The following PDE11A variants were observed in gnomAD, a reference collection of about 807,000 sequenced individuals.
PDE11A encodes phosphodiesterase 11A, also known as dual 3',5'-cyclic-AMP and -GMP phosphodiesterase 11A.
In PDE11A, 100 loss-of-function variants were observed where a neutral mutation model predicts 100.5. That is an observed-to-expected ratio of 1.00 (90% CI 0.85 to 1.18). The LOEUF is 1.18. PDE11A is among the 50% of genes most tolerant of loss of function. The pLI is 0.00. For missense variants in PDE11A, 1,141 were observed against 1,152.6 expected (o/e 0.99, Z 0.15); for synonymous variants, 381 against 420.8 (o/e 0.91, Z 1.16).
At chr2:177,654,446 G>A (rs1351662587) in intron 19 of PDE11A, among the ~76,000 whole-genome samples, 2 of 152,144 alleles carry the variant, frequency 1.3e-5, no homozygotes, top group Non-Finnish European at 2.9e-5. Context: ...GCTTGTGCCT[G>A]GGAGGCAGAG....
intron 2 of PDE11A, among the ~76,000 whole-genome samples, chr2:177,983,673 AGGAAACTTTTTT>A (rs780548884): frequency 3.3e-4 from 51 of 152,360 alleles, no homozygotes; most frequent in Admixed American, 2.1e-3. Context: ...GGTGGACTAA[AGGAAACTTTTTT>A]GTATGTTCTG....
chr2:177,988,232 A>G (rs1161152163), intron 2 of PDE11A, among the ~76,000 whole-genome samples: 2 of 152,192 alleles, frequency 1.3e-5, no homozygotes, highest in Non-Finnish European at 2.9e-5. Flanking sequence ...TGATGCTTCC[A>G]TGGTTCAACC....
rs747683139 is a variant in PDE11A at position 178,072,074 on chromosome 2, T to C, written c.364A>G (p.Arg122Gly). The part of the protein sequence containing the change: ...LQRRASQKEL[R>G]KSFARSKAIH... Reference sequence around the variant, plus strand: ...GCCTTGGAGCGGGCAAAACTCTTCCTTAGCTCTTTCTGAGAAGCTCTCCGC... The same window carrying C: ...GCCTTGGAGCGGGCAAAACTCTTCCCTAGCTCTTTCTGAGAAGCTCTCCGC... Residue 122 changes from arginine to glycine, a missense_variant, in exon 1 of 20, where the codon AGG (arginine) becomes GGG (glycine). Transcript: ENST00000286063. 1.2e-6 allele frequency: 2 copies of C among 1,614,128 alleles called. No individual in the cohort carries two copies. Among genetic ancestry groups the C allele is most frequent in the South Asian group, 2.2e-5 (2 of 91,072 alleles).
intron 5 of PDE11A, 111 bp from the exon 6 acceptor site, chr2:177,840,494 A>T: frequency 2.1e-6 from 2 of 940,908 alleles, no homozygotes; most frequent in East Asian, 2.4e-5. Flanking sequence ...ATTAAGAAAA[A>T]ATAAGTGACA....
At chr2:177,772,720 A>G (rs1332946600) in intron 9 of PDE11A, among the ~76,000 whole-genome samples, 1 of 150,386 alleles carries the variant, frequency 6.6e-6, no homozygotes, top group Non-Finnish European at 1.5e-5. Flanking sequence ...ATTTAAAAAA[A>G]AAAAAAAGCT....
At chr2:178,011,703 G>A (rs112447721) in intron 2 of PDE11A, among the ~76,000 whole-genome samples, 3 of 152,124 alleles carry the variant, frequency 2.0e-5, no homozygotes, top group South Asian at 2.1e-4. Flanking sequence ...CTAATCAATC[G>A]CTCATGAGAA....
In PDE11A at chr2:177,843,890, T is replaced by C. The variant is rs567317700; in HGVS notation, c.1368-3507A>G. Among the ~76,000 whole-genome samples the C allele has an allele frequency of 5.3e-5, 8 of 152,258 alleles. No individual in the cohort carries two copies. In the South Asian group the frequency reaches 1.2e-3, roughly 24 times the overall value. On this transcript the variant is annotated intron_variant, in intron 5 of 19. Coordinates refer to ENST00000286063, the MANE Select transcript of PDE11A (RefSeq NM_016953.4). ...CAATCACGAGTGCTGAAGACGTCCA[T>C]GGAGGGAGAAATGACTTCAGGTGTT...
intron 1 of PDE11A, among the ~76,000 whole-genome samples, chr2:178,105,943 G>A (rs1383399283): frequency 6.6e-6 from 1 of 152,142 alleles, no homozygotes; most frequent in Non-Finnish European, 1.5e-5. Flanking sequence ...TGAAGAATGA[G>A]TGCAAGGGAG....
intron 19 of PDE11A, among the ~76,000 whole-genome samples, chr2:177,651,188 A>G (rs963659413): frequency 1.3e-5 from 2 of 152,128 alleles, no homozygotes; most frequent in African/African-American, 4.8e-5. Flanking sequence ...GTTGTTATGG[A>G]CTCACTACAT....
intron 2 of PDE11A, among the ~76,000 whole-genome samples, chr2:177,995,093 T>C (rs1262800272): frequency 2.0e-5 from 3 of 152,190 alleles, no homozygotes; most frequent in African/African-American, 7.2e-5. Context: ...GGAGGAAAAG[T>C]GGAAAAATTA....
chr2:177,689,396 A>G (rs2081007744), intron 15 of PDE11A, among the ~76,000 whole-genome samples: 1 of 152,120 alleles, frequency 6.6e-6, no homozygotes, highest in Non-Finnish European at 1.5e-5. Flanking sequence ...ACTCTCCTCA[A>G]TTTTAACTCC....
intron 8 of PDE11A, among the ~76,000 whole-genome samples, chr2:177,817,417 G>T (rs2083057611): frequency 6.6e-6 from 1 of 152,182 alleles, no homozygotes; most frequent in African/African-American, 2.4e-5. Flanking sequence ...GGGTTTTCAT[G>T]TTGGCTACTG....
intron 1 of PDE11A, among the ~76,000 whole-genome samples, chr2:178,051,736 T>C (rs1402916636): frequency 6.6e-6 from 1 of 152,056 alleles, no homozygotes; most frequent in Non-Finnish European, 1.5e-5. Flanking sequence ...AAACAGACTT[T>C]AAACCAACAA....
intron 12 of PDE11A, among the ~76,000 whole-genome samples, chr2:177,721,569 A>T (rs1338205146): frequency 1.3e-5 from 2 of 152,178 alleles, no homozygotes; most frequent in African/African-American, 4.8e-5. Flanking sequence ...CAAAAGAAAA[A>T]TATCAGATTC....
chr2:177,795,590 T>A (rs974078317), intron 9 of PDE11A, among the ~76,000 whole-genome samples: 7 of 152,158 alleles, frequency 4.6e-5, no homozygotes, highest in Non-Finnish European at 8.8e-5. Flanking sequence ...AAATGCCTTC[T>A]TGGGTACCTA....
intron 18 of PDE11A, among the ~76,000 whole-genome samples, chr2:177,667,369 T>A (rs1440715013): frequency 6.6e-6 from 1 of 152,164 alleles, no homozygotes. Flanking sequence ...TTCTAAGAAT[T>A]TTATAGTTTT....
chr2:177,758,294 C>CT (rs1178091978), intron 10 of PDE11A, among the ~76,000 whole-genome samples: 1 of 104,766 alleles, frequency 9.5e-6, no homozygotes, highest in Non-Finnish European at 1.8e-5. Context: ...AAGACTCCGT[C>CT]TCAAAAAAAA....
intron 18 of PDE11A, among the ~76,000 whole-genome samples, chr2:177,665,292 T>G: frequency 8.0e-6 from 1 of 124,510 alleles, no homozygotes. Context: ...GACAACAGAG[T>G]GAAGCCCCTG....
chr2:177,813,606 T>A (rs2082986201), intron 9 of PDE11A, among the ~76,000 whole-genome samples: 1 of 152,154 alleles, frequency 6.6e-6, no homozygotes. Context: ...TGGAGAGAAG[T>A]ATTTTTATGA....
Sources: gnomAD v4.1 joint callset for allele counts (sites outside exome capture counted in the v4.1 genomes callset) on GRCh38, gnomAD v4.1.1 for gene constraint, MANE v1.5 for transcripts, NCBI Gene and HGNC (gene_info 2026-07-23, HGNC 2026-07-21) for gene names.